Variants in CASZ1 observed in about 807,000 individuals in gnomAD.
CASZ1 encodes the protein castor zinc finger 1.
CASZ1 carries 28 observed loss-of-function variants against 135.2 expected under a neutral mutation model. The ratio of observed to expected loss-of-function variants is 0.21; its 90% CI spans 0.15 to 0.28. The LOEUF is 0.28. CASZ1 is among the 10% of genes least tolerant of loss of function. The pLI is 1.00. For missense variants in CASZ1, 2,161 were observed against 2,453.3 expected (o/e 0.88, Z 2.52); for synonymous variants, 1,068 against 1,073.4 (o/e 0.99, Z 0.10).
intron 4 of CASZ1, among the ~76,000 whole-genome samples, chr1:10,692,767 A>C (rs546608364): frequency 6.6e-6 from 1 of 152,324 alleles, no homozygotes; most frequent in Non-Finnish European, 1.5e-5. Context: ...TTAGAAGGTC[A>C]GATATCAGCT....
intron 1 of CASZ1, among the ~76,000 whole-genome samples, chr1:10,783,038 C>T (rs947191718): frequency 4.6e-5 from 7 of 152,042 alleles, no homozygotes; most frequent in Admixed American, 6.6e-5. Flanking sequence ...GGAAAGGAGC[C>T]GGCACAATGC....
At chr1:10,703,194 G>A (rs538622781) in intron 3 of CASZ1, among the ~76,000 whole-genome samples, 1 of 152,192 alleles carries the variant, frequency 6.6e-6, no homozygotes, top group Non-Finnish European at 1.5e-5. Context: ...CGCGGCCGCA[G>A]CTCCCGTCTC....
intron 5 of CASZ1, among the ~76,000 whole-genome samples, chr1:10,662,947 A>G (rs1260132161): frequency 6.6e-6 from 1 of 151,998 alleles, no homozygotes; most frequent in Admixed American, 6.6e-5. Flanking sequence ...GCCCCACCCC[A>G]TGGCCGAGCC....
At position 10,647,109 on chromosome 1, in the gene CASZ1, GGGGAGGCTGGTGGGGGGGAC is replaced by G; in HGVS notation, c.3497+672_3497+691del. On this transcript the variant is annotated intron_variant, in intron 16 of 20. Coordinates refer to ENST00000377022, the MANE Select transcript of CASZ1 (RefSeq NM_001079843.3). The surrounding 1 kb of genome is among the most constrained non-coding windows in gnomAD (Gnocchi z 4.9). ...GCTACTCTGGGGAGGAGGAGGGGGA[GGGGAGGCTGGTGGGGGGGAC>G]GGAGAACAGTGCTGGGCCCCTTCCA... 2.5e-6 allele frequency: 1 copy of G among 396,818 alleles called. No individual in the cohort carries two copies. Among genetic ancestry groups the G allele is most frequent in the Non-Finnish European group, 3.4e-6 (1 of 291,580 alleles). The allele number at this position is 396,818 out of a possible 1,614,324, so 24.6% of individuals were successfully genotyped here.
In CASZ1 at chr1:10,762,712, C is replaced by A. The variant is rs1640400602; in HGVS notation, c.-233-1855G>T. ...GGAGGCTGACATGCCCCTCTTCCAG[C>A]TTTGTAAAACAGACATGTACATTCC... is the stretch of plus-strand genomic sequence containing the variant. On this transcript the variant is annotated intron_variant, in intron 1 of 20. Coordinates refer to ENST00000377022, the MANE Select transcript of CASZ1 (RefSeq NM_001079843.3). This position sits in a 1 kb window ranked among gnomAD's most constrained non-coding sequence, Gnocchi z 4.1. Among the ~76,000 whole-genome samples the A allele has an allele frequency of 6.6e-6, 1 of 152,226 alleles. No individual in the cohort carries two copies. Among genetic ancestry groups the A allele is most frequent in the East Asian group, 1.9e-4 (1 of 5,190 alleles).
At position 10,646,720 on chromosome 1, in the gene CASZ1, G is replaced by A. The variant is rs1642373312; in HGVS notation, c.3498-394C>T. On this transcript the variant is annotated intron_variant, in intron 16 of 20. Transcript: ENST00000377022. This position sits in a 1 kb window ranked among gnomAD's most constrained non-coding sequence, Gnocchi z 6.4. The stretch of plus-strand genomic sequence containing the variant: ...AGGCCCTGGCTGGCGTGGCATGGGC[G>A]CCACCGTGGATGTGGCTGACAGACT... Among the ~76,000 whole-genome samples, 1 of 152,214 alleles carries A rather than the reference G, an allele frequency of 6.6e-6. No homozygotes were observed. Among genetic ancestry groups the A allele is most frequent in the Non-Finnish European group, 1.5e-5 (1 of 68,036 alleles).
chr1:10,693,271 A>C (rs1044587149), intron 4 of CASZ1, among the ~76,000 whole-genome samples: 1 of 151,912 alleles, frequency 6.6e-6, no homozygotes, highest in African/African-American at 2.4e-5. Flanking sequence ...ACCTCATCCC[A>C]CAGATTCTCA....
rs770769089 is a variant in CASZ1 at position 10,726,363 on chromosome 1, C to T, written c.-76-20819G>A. Among the ~76,000 whole-genome samples the T allele has an allele frequency of 1.1e-4, 17 of 152,166 alleles. No homozygotes were observed. Among genetic ancestry groups the T allele is most frequent in the Non-Finnish European group, 2.4e-4 (16 of 68,024 alleles). On this transcript the variant is annotated intron_variant, in intron 2 of 20. Transcript: ENST00000377022. This position sits in a 1 kb window ranked among gnomAD's most constrained non-coding sequence, Gnocchi z 5.7. Reference sequence around the variant, plus strand: ...GACCAACAGCCACGCTCTGGGATGCCGCCATCCTCAGCCTACTCCGTATCT... The same window carrying T: ...GACCAACAGCCACGCTCTGGGATGCTGCCATCCTCAGCCTACTCCGTATCT...
In CASZ1 at chr1:10,679,826, T is replaced by C. The variant is rs1007270278; in HGVS notation, c.16+14048A>G. On this transcript the variant is annotated intron_variant, in intron 4 of 20. Coordinates refer to ENST00000377022, the MANE Select transcript of CASZ1 (RefSeq NM_001079843.3). The surrounding 1 kb of genome is among the most constrained non-coding windows in gnomAD (Gnocchi z 4.7). ...AGGATCTGCAACAGGATGTAGGGAT[T>C]ACAGTAAAACCTGGCTCCGGATCTG... Among the ~76,000 whole-genome samples, 4 of 152,172 alleles carry C rather than the reference T, an allele frequency of 2.6e-5. No individual in the cohort carries two copies. Among genetic ancestry groups the C allele is most frequent in the Non-Finnish European group, 5.9e-5 (4 of 68,034 alleles).
chr1:10,709,747 C>T lies in CASZ1; in HGVS notation c.-76-4203G>A, dbSNP rs1016336278. 6.6e-6 allele frequency among the ~76,000 whole-genome samples: 1 copy of T among 152,164 alleles called. No individual in the cohort carries two copies. The highest frequency in any genetic ancestry group is 1.5e-5 in the Non-Finnish European group (1 of 68,040). On this transcript the variant is annotated intron_variant, in intron 2 of 20. Transcript: ENST00000377022. The surrounding 1 kb of genome is among the most constrained non-coding windows in gnomAD (Gnocchi z 5.1). ...CTGAGCAGTGCCCCGGGCAGTGCCG[C>T]AGGGGGATGCGCACCAGGGGGATCC...
At chr1:10,783,883 A>C (rs181063512) in intron 1 of CASZ1, among the ~76,000 whole-genome samples, 18 of 151,544 alleles carry the variant, frequency 1.2e-4, no homozygotes, top group African/African-American at 3.9e-4. Flanking sequence ...AAAAAAAAAA[A>C]AAAAAAAAAA....
intron 2 of CASZ1, among the ~76,000 whole-genome samples, chr1:10,737,857 G>A (rs1639830471): frequency 6.6e-6 from 1 of 152,238 alleles, no homozygotes. Flanking sequence ...CTGCCAGGCT[G>A]AGGCCATCTC....
chr1:10,648,654 T>C (rs2124675093), intron 15 of CASZ1: 1 of 198,982 alleles, frequency 5.0e-6, no homozygotes, highest in South Asian at 1.3e-4. Flanking sequence ...ATTCATTTCA[T>C]TATGTTTAGG....
rs1642726456 is a variant in CASZ1 at position 10,654,603 on chromosome 1, G to A, written c.1666-12C>T. 1.2e-6 allele frequency: 2 copies of A among 1,611,360 alleles called. No individual in the cohort carries two copies. The highest frequency in any genetic ancestry group is 2.2e-5 in the East Asian group (1 of 44,828). ...TTGTTACAGCCCACCTGCACAGGAC[G>A]GGATGGTGGTCAGGCGAACGGAGGC... is the stretch of plus-strand genomic sequence containing the variant. On this transcript the variant is annotated splice_polypyrimidine_tract_variant and intron_variant, in intron 9 of 20. Transcript: ENST00000377022.
In CASZ1 at chr1:10,736,910, T is replaced by C. The variant is rs1001684151; in HGVS notation, c.-77+23791A>G. ...AGGTGCCCGGGCCTGCAGGTGCTCC[T>C]GGGGCCGTGGGCTGGGCTGAGTGCC... is the stretch of plus-strand genomic sequence containing the variant. On this transcript the variant is annotated intron_variant, in intron 2 of 20. Transcript: ENST00000377022. Among the ~76,000 whole-genome samples the C allele has an allele frequency of 2.6e-5, 4 of 152,296 alleles. No homozygotes were observed. The East Asian group carries it at 7.7e-4, about 29-fold the overall frequency.
chr1:10,681,635 G>A (rs1188795012), intron 4 of CASZ1, among the ~76,000 whole-genome samples: 8 of 152,248 alleles, frequency 5.3e-5, no homozygotes, highest in Non-Finnish European at 1.2e-4. Flanking sequence ...CAGACTGCAA[G>A]ATCCCTGGGA....
chr1:10,742,964 A>T (rs557755), intron 2 of CASZ1, among the ~76,000 whole-genome samples: 1 of 152,006 alleles, frequency 6.6e-6, no homozygotes, highest in African/African-American at 2.4e-5. Context: ...CAACCTGGGC[A>T]ACAGAGCAAG....
intron 3 of CASZ1, among the ~76,000 whole-genome samples, chr1:10,696,496 C>T (rs1255416541): frequency 1.3e-5 from 2 of 152,242 alleles, no homozygotes; most frequent in Non-Finnish European, 2.9e-5. Flanking sequence ...TCAGAGAGGG[C>T]ATCTGTGTCC....
At chr1:10,748,884 A>G (rs558035314) in intron 2 of CASZ1, among the ~76,000 whole-genome samples, 1 of 152,364 alleles carries the variant, frequency 6.6e-6, no homozygotes, top group East Asian at 1.9e-4. Context: ...GCAGATGCGA[A>G]TCAGACCTCC....
Sources: allele counts gnomAD v4.1 joint callset (sites outside exome capture counted in the v4.1 genomes callset), GRCh38; gene constraint gnomAD v4.1.1; non-coding constraint Gnocchi (gnomAD v3.1); transcripts MANE v1.5; gene names NCBI Gene and HGNC (gene_info 2026-07-23, HGNC 2026-07-21).